KPNB1: variants seen among roughly 807,000 people sequenced by gnomAD.
KPNB1 encodes the protein importin subunit beta-1.
Under a neutral mutation model 113.0 loss-of-function variants are expected in KPNB1, and 7 were observed. That is an observed-to-expected ratio of 0.06 (90% CI 0.04 to 0.12). KPNB1 has a LOEUF of 0.12. Ranked by LOEUF, KPNB1 falls within the 10% of genes least tolerant of loss-of-function variation. KPNB1 has a pLI of 1.00. For missense variants in KPNB1, 400 were observed against 1,054.8 expected, an observed-to-expected ratio of 0.38 and a Z score of 8.60; for synonymous variants, 363 against 378.6, an observed-to-expected ratio of 0.96 and a Z score of 0.48.
chr17:47,685,293 C>G lies in KPNB1; in HGVS notation c.*2889C>G, dbSNP rs900184480. 3.3e-5 allele frequency: 5 copies of G among 152,016 alleles called. No individual in the cohort carries two copies. Among genetic ancestry groups the G allele is most frequent in the African/African-American group, 1.2e-4 (5 of 41,380 alleles). The allele number at this position is 152,016 out of a possible 1,614,324, so 9.4% of individuals were successfully genotyped here. A position where few individuals can be genotyped will look rare whatever the true frequency, so the allele number is the denominator to read the frequency against. On this transcript the variant is annotated 3_prime_UTR_variant, in exon 22 of 22. Transcript: ENST00000290158. ...CAAATATTTAAGAAGTGTGTTAGTC[C>G]AACTTTAAGAAAAATCCAAACTCAT...
chr17:47,653,124 G>A (rs969191861), intron 3 of KPNB1, among the ~76,000 whole-genome samples: 2 of 152,196 alleles, frequency 1.3e-5, no homozygotes, highest in Non-Finnish European at 2.9e-5. Context: ...CTTTAATTAC[G>A]TGCCATAATT....
intron 20 of KPNB1, 138 bp downstream of exon 20, chr17:47,680,272 C>A: frequency 1.3e-6 from 1 of 765,254 alleles, no homozygotes; most frequent in Non-Finnish European, 2.2e-6. Flanking sequence ...CAGAACGCTT[C>A]ATGTCCTGTT....
intron 8 of KPNB1, 95 bp downstream of exon 8, chr17:47,664,364 G>A (rs771380275): frequency 2.4e-6 from 2 of 820,340 alleles, no homozygotes; most frequent in East Asian, 5.1e-5. Context: ...TTCTGTCTGG[G>A]TTTAGAGGGT....
At chr17:47,666,071 T>C (rs979800100) in intron 9 of KPNB1, among the ~76,000 whole-genome samples, 4 of 152,274 alleles carry the variant, frequency 2.6e-5, no homozygotes, top group African/African-American at 9.6e-5. Flanking sequence ...TCTTTTGTTT[T>C]GAGATGGAGT....
intron 9 of KPNB1, among the ~76,000 whole-genome samples, chr17:47,667,446 T>C (rs578006915): frequency 1.8e-4 from 28 of 151,704 alleles, no homozygotes; most frequent in Non-Finnish European, 3.7e-4. Context: ...TTTTGAACTT[T>C]TGATTGAATC....
intron 6 of KPNB1, among the ~76,000 whole-genome samples, 200 bp from the exon 7 acceptor site, chr17:47,662,889 C>T (rs529975717): frequency 6.6e-5 from 10 of 151,278 alleles, no homozygotes; most frequent in Non-Finnish European, 1.2e-4. Flanking sequence ...GTCCCTTCCC[C>T]GAAAAAGAGA....
chr17:47,656,826 A>G (rs1482578070), intron 3 of KPNB1, 34 bp from the exon 4 acceptor site: 1 of 1,590,216 alleles, frequency 6.3e-7, no homozygotes, highest in Non-Finnish European at 8.6e-7. Context: ...ATAGTGTTAG[A>G]AATTTGTATC....
intron 15 of KPNB1, among the ~76,000 whole-genome samples, chr17:47,675,376 T>TTTTG (rs2030580614): frequency 8.4e-6 from 1 of 118,992 alleles, no homozygotes; most frequent in Admixed American, 7.9e-5. Flanking sequence ...TTTTTTGTTT[T>TTTTG]TTTTTTTTGT....
At chr17:47,674,899 C>A in intron 15 of KPNB1, 117 bp downstream of exon 15, 1 of 1,066,790 alleles carries the variant, frequency 9.4e-7, no homozygotes, top group Non-Finnish European at 1.3e-6. Flanking sequence ...GCACTGCAGC[C>A]TTGAAATCGT....
intron 2 of KPNB1, chr17:47,651,179 G>C: frequency 2.0e-6 from 2 of 983,368 alleles, no homozygotes; most frequent in Non-Finnish European, 2.4e-6. Flanking sequence ...AAAGTTCCTC[G>C]TTTTTCATAT....
At chr17:47,650,550 T>TCC (rs1378772320) in intron 2 of KPNB1, 106 bp downstream of exon 2, 8 of 665,200 alleles carry the variant, frequency 1.2e-5, no homozygotes, top group African/African-American at 2.4e-5. Context: ...CCCCGCCCCA[T>TCC]CCCGTCCCCC....
intron 5 of KPNB1, among the ~76,000 whole-genome samples, chr17:47,660,067 TTTTC>T (rs2030046496): frequency 6.6e-6 from 1 of 152,168 alleles, no homozygotes; most frequent in Non-Finnish European, 1.5e-5. Context: ...CTCCAGAACT[TTTTC>T]ATCTTGCAAA....
chr17:47,661,021 A>AG, intron 5 of KPNB1, 98 bp from the exon 6 acceptor site: 1 of 884,696 alleles, frequency 1.1e-6, no homozygotes, highest in Non-Finnish European at 1.9e-6. Context: ...TGGGGCCCTG[A>AG]GGGGGAGTGA....
intron 14 of KPNB1, 46 bp downstream of exon 14, chr17:47,673,607 T>C (rs922513806): frequency 1.4e-6 from 2 of 1,386,422 alleles, no homozygotes; most frequent in Non-Finnish European, 2.1e-6. Context: ...TGGAGAATTA[T>C]TAGTATCTCA....
In KPNB1 at chr17:47,675,361, G is replaced by GTTTTTGTTTTTTT. The variant is rs2030568124; in HGVS notation, c.1912+584_1912+585insGTTTTTTTTTTTT. Among the ~76,000 whole-genome samples the GTTTTTGTTTTTTT allele has an allele frequency of 6.2e-4, 55 of 88,686 alleles. 1 individual carries two copies. Among genetic ancestry groups the GTTTTTGTTTTTTT allele is most frequent in the East Asian group, 3.5e-3 (12 of 3,440 alleles). The allele number at this position is 88,686 out of a possible 152,430, so 58.2% of individuals were successfully genotyped here. A position where few individuals can be genotyped will look rare whatever the true frequency, so the allele number is the denominator to read the frequency against. ...TGCAACGGAGATTGGCAGAGGTGTT[G>GTTTTTGTTTTTTT]TTTTTTTTTTGTTTTTTTTTTTTGT... On this transcript the variant is annotated intron_variant, in intron 15 of 21. Coordinates refer to ENST00000290158, the MANE Select transcript of KPNB1 (RefSeq NM_002265.6).
chr17:47,661,097 T>G (rs2030079676), intron 5 of KPNB1, 22 bp from the exon 6 acceptor site: 1 of 1,597,372 alleles, frequency 6.3e-7, no homozygotes, highest in African/African-American at 1.3e-5. Context: ...CCTAATTCTC[T>G]TTATTTTTAT....
Position 47,684,538 on chromosome 17 carries a change from TAGGG to T in KPNB1, c.*2139_*2142del, listed in dbSNP as rs758302599. ...ATTAAGATAGGGTTGGGTCAGGGCT[TAGGG>T]AGGGGGCAGAAATATTGGGGATAGA... is the stretch of plus-strand genomic sequence containing the variant. On this transcript the variant is annotated 3_prime_UTR_variant, in exon 22 of 22. Transcript: ENST00000290158. 1 of 152,158 alleles carries T rather than the reference TAGGG, an allele frequency of 6.6e-6. No individual in the cohort carries two copies. Among genetic ancestry groups the T allele is most frequent in the Non-Finnish European group, 1.5e-5 (1 of 67,964 alleles). 9.4% of individuals were successfully genotyped at this position (152,158 alleles called of 1,614,324 possible).
chr17:47,663,665 A>G (rs1252308171), intron 7 of KPNB1, among the ~76,000 whole-genome samples: 1 of 152,032 alleles, frequency 6.6e-6, no homozygotes, highest in African/African-American at 2.4e-5. Flanking sequence ...CTCTGTCTCA[A>G]AAAGAAAAAA....
intron 17 of KPNB1, among the ~76,000 whole-genome samples, chr17:47,677,680 TATG>T (rs1289916951): frequency 6.6e-6 from 1 of 152,210 alleles, no homozygotes; most frequent in Non-Finnish European, 1.5e-5. Context: ...TTCCTTGACT[TATG>T]ATGGAGTTAG....
Sources: gnomAD v4.1 joint callset for allele counts (sites outside exome capture counted in the v4.1 genomes callset) on GRCh38, gnomAD v4.1.1 for gene constraint, MANE v1.5 for transcripts, NCBI Gene and HGNC (gene_info 2026-07-23, HGNC 2026-07-21) for gene names.